Variants in SUMF1 observed in about 807,000 individuals in gnomAD.
The protein encoded by SUMF1 is sulfatase modifying factor 1.
SUMF1 carries 48 observed loss-of-function variants against 47.6 expected under a neutral mutation model. The observed-to-expected ratio is 1.01, with a 90% CI of 0.80 to 1.28. SUMF1 has a LOEUF of 1.28. Among genes scored for constraint, SUMF1 ranks in the 50% most tolerant of loss-of-function variants. The pLI, the probability that SUMF1 is intolerant of heterozygous loss-of-function variation, is 0.00. For missense variants in SUMF1, 571 were observed against 485.4 expected (o/e 1.18, Z -1.66); for synonymous variants, 230 against 192.1 (o/e 1.20, Z -1.63).
Position 4,126,838 on chromosome 3 carries a change from A to G in SUMF1, c.1015-58093T>C, listed in dbSNP as rs368479618. ...TCCTGTCACTATCAAGAGTAACTCA[A>G]TGAAAGCGGCAGTAGTCTTACCTAC... On this transcript the variant is annotated intron_variant and NMD_transcript_variant, in intron 8 of 12. Coordinates refer to the SUMF1 transcript ENST00000448413. Among the ~76,000 whole-genome samples the G allele has an allele frequency of 1.1e-4, 17 of 152,338 alleles. 2 individuals are homozygous for G. Among genetic ancestry groups the G allele is most frequent in the Admixed American group, 2.6e-4 (4 of 15,304 alleles).
intron 8 of SUMF1, among the ~76,000 whole-genome samples, chr3:4,158,041 A>G (rs2125111134): frequency 6.6e-6 from 1 of 151,718 alleles, no homozygotes; most frequent in East Asian, 1.9e-4. Flanking sequence ...AGACAACCCA[A>G]GATAATTCAG....
chr3:4,143,423 A>G (rs1288038039), intron 8 of SUMF1, among the ~76,000 whole-genome samples: 5 of 152,132 alleles, frequency 3.3e-5, no homozygotes, highest in East Asian at 3.9e-4. Flanking sequence ...CCTAAGGAAC[A>G]TAATGAGAAG....
chr3:4,192,757 G>A (rs1695348049), intron 8 of SUMF1, among the ~76,000 whole-genome samples: 1 of 152,098 alleles, frequency 6.6e-6, no homozygotes, highest in Non-Finnish European at 1.5e-5. Context: ...CTCCAGGAAG[G>A]CTGAAGACTG....
chr3:4,425,503 C>A (rs547544513), intron 3 of SUMF1, among the ~76,000 whole-genome samples: 1 of 152,198 alleles, frequency 6.6e-6, no homozygotes, highest in Non-Finnish European at 1.5e-5. Flanking sequence ...TCAGCTTGAG[C>A]CCCCTCCACC....
intron 8 of SUMF1, among the ~76,000 whole-genome samples, chr3:4,207,333 C>T (rs1420819643): frequency 2.0e-5 from 3 of 151,960 alleles, no homozygotes; most frequent in East Asian, 1.9e-4. Flanking sequence ...TTATTCTTAC[C>T]TCATTGCACT....
intron 8 of SUMF1, among the ~76,000 whole-genome samples, chr3:4,259,211 T>C (rs1298747373): frequency 6.6e-6 from 1 of 151,856 alleles, no homozygotes; most frequent in Non-Finnish European, 1.5e-5. Context: ...CATGTATACA[T>C]ATGTAAGTAA....
chr3:4,310,703 G>A (rs1002751441), intron 8 of SUMF1, among the ~76,000 whole-genome samples: 14 of 151,944 alleles, frequency 9.2e-5, no homozygotes, highest in East Asian at 1.9e-4. Flanking sequence ...TAAAAATAAC[G>A]AAATAAAACT....
chr3:4,220,418 T>C (rs756193513), intron 8 of SUMF1, among the ~76,000 whole-genome samples: 1 of 152,270 alleles, frequency 6.6e-6, no homozygotes, highest in East Asian at 1.9e-4. Flanking sequence ...TCCAGGTTTT[T>C]CATGTGTGAT....
chr3:4,104,083 C>A (rs1693100521), intron 8 of SUMF1, among the ~76,000 whole-genome samples: 1 of 152,110 alleles, frequency 6.6e-6, no homozygotes, highest in Non-Finnish European at 1.5e-5. Context: ...TGTCCCCACC[C>A]AAATCTCATC....
chr3:4,460,131 T>C (rs904806873), intron 1 of SUMF1, among the ~76,000 whole-genome samples: 1 of 152,204 alleles, frequency 6.6e-6, no homozygotes, highest in African/African-American at 2.4e-5. Flanking sequence ...AAATGCTAAG[T>C]ATGGTATGCT....
downstream of SUMF1, among the ~76,000 whole-genome samples, chr3:4,359,649 G>A (rs1364207231): frequency 1.3e-5 from 2 of 152,194 alleles, no homozygotes; most frequent in Non-Finnish European, 2.9e-5. Flanking sequence ...GACAGTGAGT[G>A]CTGAGCAATG....
Position 4,442,889 on chromosome 3 carries a change from A to T in SUMF1, c.519+6377T>A, listed in dbSNP as rs527953101. 9.2e-5 allele frequency among the ~76,000 whole-genome samples: 14 copies of T among 152,246 alleles called. No individual in the cohort carries two copies. In the East Asian group the frequency reaches 2.7e-3, roughly 29 times the overall value. On this transcript the variant is annotated intron_variant, in intron 3 of 8. Transcript: ENST00000272902. ...TGCAATCCAAATTTCTATAAGAAGT[A>T]AGAGAAGAAGCAGCAGAACAACATC... is the stretch of plus-strand genomic sequence containing the variant.
chr3:4,421,858 T>G (rs1367759211), intron 3 of SUMF1, among the ~76,000 whole-genome samples: 2 of 152,208 alleles, frequency 1.3e-5, no homozygotes, highest in Non-Finnish European at 2.9e-5. Context: ...ACAATGTTAC[T>G]CTTTGATTGT....
intron 8 of SUMF1, among the ~76,000 whole-genome samples, chr3:4,175,936 T>C (rs1694950205): frequency 6.6e-6 from 1 of 152,058 alleles, no homozygotes; most frequent in African/African-American, 2.4e-5. Flanking sequence ...AGAAAGGGTA[T>C]CAGTGAATGA....
At chr3:4,297,282 C>G (rs972438897) in intron 8 of SUMF1, among the ~76,000 whole-genome samples, 1 of 152,160 alleles carries the variant, frequency 6.6e-6, no homozygotes, top group African/African-American at 2.4e-5. Flanking sequence ...CCAAATTGGA[C>G]AGAAATCCCC....
At chr3:4,216,094 G>C (rs1695917785) in intron 8 of SUMF1, among the ~76,000 whole-genome samples, 1 of 152,100 alleles carries the variant, frequency 6.6e-6, no homozygotes, top group African/African-American at 2.4e-5. Context: ...ACAATCCTAA[G>C]CAAAAAGAAC....
intron 8 of SUMF1, among the ~76,000 whole-genome samples, chr3:4,214,013 T>G (rs1695860679): frequency 6.6e-6 from 1 of 151,948 alleles, no homozygotes; most frequent in Non-Finnish European, 1.5e-5. Flanking sequence ...AGACAGAAAA[T>G]TAACAAGGAT....
chr3:4,316,524 C>T lies in SUMF1; in HGVS notation c.1014+59806G>A, dbSNP rs767439239. On this transcript the variant is annotated intron_variant and NMD_transcript_variant, in intron 8 of 12. Coordinates refer to the SUMF1 transcript ENST00000448413. The stretch of plus-strand genomic sequence containing the variant: ...CAATGTCAACCATTCTACGGTCGTT[C>T]GACATTTGAAGCAAATTGGAAAGGT... 3.7e-5 allele frequency: 59 copies of T among 1,580,888 alleles called. No individual in the cohort carries two copies. In the Admixed American group the frequency reaches 6.9e-4, roughly 19 times the overall value.
chr3:4,203,587 A>G (rs1201077808), intron 8 of SUMF1, among the ~76,000 whole-genome samples: 1 of 151,954 alleles, frequency 6.6e-6, no homozygotes, highest in Admixed American at 6.6e-5. Flanking sequence ...GTTACATTCA[A>G]TGTTACTATT....
Sources: gnomAD v4.1 joint callset for allele counts (sites outside exome capture counted in the v4.1 genomes callset) on GRCh38, gnomAD v4.1.1 for gene constraint, MANE v1.5 for transcripts, NCBI Gene and HGNC (gene_info 2026-07-23, HGNC 2026-07-21) for gene names.